GPR173: variants seen among roughly 807,000 people sequenced by gnomAD.
GPR173 encodes the protein G protein-coupled receptor 173.
In GPR173, 2 loss-of-function variants were observed where a neutral mutation model predicts 13.9. That is an observed-to-expected ratio of 0.14 (90% CI 0.06 to 0.45). The LOEUF (loss-of-function observed/expected upper bound fraction) is 0.45, where lower values mean the gene tolerates loss of function less well. Ranked by LOEUF, GPR173 falls within the 20% of genes least tolerant of loss-of-function variation. GPR173 has a pLI of 0.98. For synonymous variants in GPR173, 131 were observed against 141.0 expected, an observed-to-expected ratio of 0.93 and a Z score of 0.50; for missense variants, 202 against 340.5, an observed-to-expected ratio of 0.59 and a Z score of 3.20.
At chrX:53,061,324 T>C (rs1248358768) in intron 1 of GPR173, among the ~76,000 whole-genome samples, 1 of 111,748 alleles carries the variant, frequency 8.9e-6, no homozygotes, top group Admixed American at 9.6e-5. Flanking sequence ...TCTACATGCA[T>C]GCCTAGCTGC....
rs1556805906 is a variant in GPR173, at chrX:53,076,931, G to A, written c.310G>A (p.Val104Met). Residue 104 changes from valine (V) to methionine (M), a missense_variant, in exon 2 of 2, where the codon GTG becomes ATG. By Grantham distance (21) the Val-to-Met change is conservative (BLOSUM62 1). This residue lies in a region of GPR173 where 98 missense variants were observed against 137.2 expected (regional missense o/e 0.71). Transcript: ENST00000332582. Reference sequence around the variant, plus strand: ...CTGCAAGATTGTGGCCTTTATGGCCGTGCTCTTTTGCTTCCATGCGGCCTT... The same window carrying A: ...CTGCAAGATTGTGGCCTTTATGGCCATGCTCTTTTGCTTCCATGCGGCCTT... ...LSCKIVAFMA[V>M]LFCFHAAFML... is the part of the protein sequence containing the mutation. 5 of 1,208,803 alleles carry A rather than the reference G, an allele frequency of 4.1e-6. No individual in the cohort carries two copies. The highest frequency in any genetic ancestry group is 5.6e-6 in the Non-Finnish European group (5 of 894,216).
rs1556806319 is a variant in GPR173 at position 53,079,495 on chromosome X, A to T, written c.*1752A>T. 1 of 121,262 alleles carries T rather than the reference A, an allele frequency of 8.2e-6. No homozygotes were observed. The highest frequency in any genetic ancestry group is 1.9e-5 in the Non-Finnish European group (1 of 52,941). 10.0% of individuals were successfully genotyped at this position (121,262 alleles called of 1,213,427 possible). A position where few individuals can be genotyped will look rare whatever the true frequency, so the allele number is the denominator to read the frequency against. ...GGTACATTTAGGAGGGTTTTCCTCC[A>T]TTTCTTTTTTCTAACTGCCTGGATT... is the stretch of plus-strand genomic sequence containing the variant. On this transcript the variant is annotated 3_prime_UTR_variant, in exon 2 of 2. Coordinates refer to ENST00000332582, the MANE Select transcript of GPR173 (RefSeq NM_018969.6).
intron 1 of GPR173, among the ~76,000 whole-genome samples, chrX:53,057,506 G>C (rs1932056224): frequency 9.2e-6 from 1 of 108,311 alleles, no homozygotes; most frequent in African/African-American, 3.4e-5. Flanking sequence ...TGGGAGCCGA[G>C]GTGGGCGGAT....
intron 1 of GPR173, among the ~76,000 whole-genome samples, chrX:53,057,825 G>C (rs925155606): frequency 3.6e-5 from 4 of 112,092 alleles, no homozygotes; most frequent in Non-Finnish European, 7.5e-5. Context: ...GAAAAGAAAA[G>C]CACTTCAAAC....
chrX:53,067,803 G>A (rs1231221489), intron 1 of GPR173, among the ~76,000 whole-genome samples: 7 of 77,786 alleles, frequency 9.0e-5, no homozygotes, highest in Non-Finnish European at 1.6e-4. Flanking sequence ...CCGCCTGGGC[G>A]ACAGAGCGAG....
rs1487070753 is a variant in GPR173, at chrX:53,069,302, A to G, written c.-97-7223A>G. 4.5e-5 allele frequency among the ~76,000 whole-genome samples: 5 copies of G among 110,572 alleles called. 1 individual carries two copies. The highest frequency in any genetic ancestry group is 9.4e-5 in the Non-Finnish European group (5 of 52,919). On this transcript the variant is annotated intron_variant, in intron 1 of 1. Transcript: ENST00000332582. ...AAAAAAAAAAACAGAAAAGAAAACA[A>G]AAACAAACATTGTCCACATAGGTAT...
At chrX:53,073,033 G>A (rs782355347) in intron 1 of GPR173, among the ~76,000 whole-genome samples, 2 of 110,843 alleles carry the variant, frequency 1.8e-5, no homozygotes, top group African/African-American at 6.6e-5. Context: ...GACCAGCCTG[G>A]CTAGCATCAC....
chrX:53,074,317 T>A (rs1556805404), intron 1 of GPR173, among the ~76,000 whole-genome samples: 1 of 73,424 alleles, frequency 1.4e-5, no homozygotes, highest in African/African-American at 6.0e-5. Context: ...CATTCATATA[T>A]ATTTATATAT....
rs782049617 is a variant in GPR173, at chrX:53,077,449, C to T, written c.828C>T (p.Asp276=). 11 of 1,208,690 alleles carry T rather than the reference C, an allele frequency of 9.1e-6. No homozygotes were observed. The highest frequency in any genetic ancestry group is 8.7e-5 in the Admixed American group (4 of 45,785). The part of the protein sequence containing the change: ...HAASRRLLGM[D]EVKGEKQLGR... Reference sequence around the variant, plus strand: ...CCAGCCGGCGGCTACTGGGCATGGACGAGGTCAAGGGTGAAAAGCAGCTGG... The same window carrying T: ...CCAGCCGGCGGCTACTGGGCATGGATGAGGTCAAGGGTGAAAAGCAGCTGG... Residue 276 remains aspartate (D), a synonymous_variant, in exon 2 of 2, where the codon GAC becomes GAT. Transcript: ENST00000332582.
In GPR173 at chrX:53,077,387, C is replaced by T. The variant is rs1220772012; in HGVS notation, c.766C>T (p.Pro256Ser). The T allele has an allele frequency of 8.3e-7, 1 of 1,201,162 alleles. No homozygotes were observed. Among genetic ancestry groups the T allele is most frequent in the Non-Finnish European group, 1.1e-6 (1 of 890,383 alleles). ...IAGFGRGPMP[P>S]TLLGIRQNGH... ...CGGCTTTGGCCGTGGGCCCATGCCACCAACCCTGCTGGGTATCCGGCAGAA... is the reference window on the plus strand; with the variant it reads ...CGGCTTTGGCCGTGGGCCCATGCCATCAACCCTGCTGGGTATCCGGCAGAA... The change falls in exon 2 of 2, where the codon CCA becomes TCA. Residue 256 changes from proline (P) to serine (S), a missense_variant. Physicochemically the swap from Pro to Ser is moderately conservative, Grantham distance 74. Coordinates refer to ENST00000332582, the MANE Select transcript of GPR173 (RefSeq NM_018969.6).
chrX:53,060,841 A>ACACAGGCC (rs1932114018), intron 1 of GPR173, among the ~76,000 whole-genome samples: 3 of 108,640 alleles, frequency 2.8e-5, no homozygotes, highest in African/African-American at 6.7e-5. Context: ...AAAGGCAGTT[A>ACACAGGCC]TACAGGCCTG....
In GPR173 at chrX:53,077,030, C is replaced by T. The variant is rs1556805935; in HGVS notation, c.409C>T (p.Leu137Phe). 1.7e-6 allele frequency: 2 copies of T among 1,209,039 alleles called. No homozygotes were observed. The highest frequency in any genetic ancestry group is 2.2e-6 in the Non-Finnish European group (2 of 893,501). Reference protein sequence around the residue: ...HHRFYAKRMTLWTCAAVICMA... With the variant: ...HHRFYAKRMTFWTCAAVICMA... ...CCGCTTCTACGCCAAGCGCATGACA[C>T]TCTGGACATGCGCGGCTGTCATCTG... Residue 137 changes from leucine to phenylalanine, a missense_variant, in exon 2 of 2, where the codon CTC (leucine) becomes TTC (phenylalanine). Transcript: ENST00000332582.
chrX:53,079,773 C>CAT lies in GPR173; in HGVS notation c.*2031_*2032insTA, dbSNP rs781901686. On this transcript the variant is annotated 3_prime_UTR_variant, in exon 2 of 2. Coordinates refer to ENST00000332582, the MANE Select transcript of GPR173 (RefSeq NM_018969.6). ...GACAGATACAGCACGTGCATGCATA[C>CAT]ACACACACACACACACACCACAGTT... 5.1e-5 allele frequency: 3 copies of CAT among 59,031 alleles called. No individual in the cohort carries two copies. The African/African-American group carries it at 1.0e-3, about 20-fold the overall frequency. The allele number at this position is 59,031 out of a possible 1,213,427, so 4.9% of individuals were successfully genotyped here.
At chrX:53,075,081 C>A (rs1328103290) in intron 1 of GPR173, among the ~76,000 whole-genome samples, 1 of 106,937 alleles carries the variant, frequency 9.4e-6, no homozygotes, top group Non-Finnish European at 1.9e-5. Context: ...GATCTGACCT[C>A]ACCACCTTTC....
rs1932482880 is a variant in GPR173 at position 53,078,763 on chromosome X, T to G, written c.*1020T>G. On this transcript the variant is annotated 3_prime_UTR_variant, in exon 2 of 2. Transcript: ENST00000332582. ...TTCAACCCCAGAATTGTCTCTCGGG[T>G]TCACCCTACTCTTCTGAAGATGAAA... 1 of 122,185 alleles carries G rather than the reference T, an allele frequency of 8.2e-6. No homozygotes were observed. Among genetic ancestry groups the G allele is most frequent in the Non-Finnish European group, 1.9e-5 (1 of 52,868 alleles). The allele number at this position is 122,185 out of a possible 1,213,427, so 10.1% of individuals were successfully genotyped here.
At chrX:53,066,904 C>T (rs1932191191) in intron 1 of GPR173, among the ~76,000 whole-genome samples, 2 of 111,427 alleles carry the variant, frequency 1.8e-5, no homozygotes, top group South Asian at 7.5e-4. Context: ...TATAGACAAA[C>T]TTACAGGTGA....
At chrX:53,064,309 A>G (rs1176000616) in intron 1 of GPR173, among the ~76,000 whole-genome samples, 2 of 112,033 alleles carry the variant, frequency 1.8e-5, no homozygotes, top group Non-Finnish European at 3.8e-5. Flanking sequence ...TGGCTCACAC[A>G]TGTAATCCCA....
intron 1 of GPR173, among the ~76,000 whole-genome samples, chrX:53,051,095 T>A (rs1556802622): frequency 8.9e-6 from 1 of 111,780 alleles, no homozygotes; most frequent in Non-Finnish European, 1.9e-5. Flanking sequence ...GCTCCTGAGA[T>A]CACGGGGCTT....
chrX:53,075,564 A>G (rs1932420387), intron 1 of GPR173, among the ~76,000 whole-genome samples: 1 of 108,248 alleles, frequency 9.2e-6, no homozygotes, highest in South Asian at 4.1e-4. Context: ...CAGTGTATGA[A>G]TGAATATGCA....
Sources: allele counts gnomAD v4.1 joint callset (sites outside exome capture counted in the v4.1 genomes callset), GRCh38; gene constraint gnomAD v4.1.1; regional missense constraint gnomAD v4.1.1; transcripts MANE v1.5; gene names NCBI Gene and HGNC (gene_info 2026-07-23, HGNC 2026-07-21).